Variants in WDR72 observed in about 807,000 individuals in gnomAD.
WDR72 encodes the protein WD repeat-containing protein 72.
In WDR72, 120 loss-of-function variants were observed where a neutral mutation model predicts 124.2. The observed-to-expected ratio is 0.97, with a 90% CI of 0.83 to 1.12. The LOEUF (loss-of-function observed/expected upper bound fraction) is 1.12. Ranked by LOEUF, WDR72 falls within the 50% of genes most tolerant of loss-of-function variation. The pLI, the probability that WDR72 is intolerant of heterozygous loss-of-function variation, is 0.00. For synonymous variants in WDR72, 452 were observed against 441.7 expected, an observed-to-expected ratio of 1.02 and a Z score of -0.29; for missense variants, 1,387 against 1,278.8, an observed-to-expected ratio of 1.08 and a Z score of -1.29.
At chr15:53,728,404 A>T (rs1298694563) in intron 2 of WDR72, among the ~76,000 whole-genome samples, 1 of 152,224 alleles carries the variant, frequency 6.6e-6, no homozygotes, top group African/African-American at 2.4e-5. Context: ...GACAGAGCCA[A>T]ACCACATCAA....
chr15:53,538,188 C>G (rs963829078), intron 18 of WDR72, among the ~76,000 whole-genome samples: 1 of 152,022 alleles, frequency 6.6e-6, no homozygotes, highest in African/African-American at 2.4e-5. Context: ...TTTTAGAGAA[C>G]TGATTTGGGT....
intron 18 of WDR72, among the ~76,000 whole-genome samples, chr15:53,593,057 G>T (rs955454800): frequency 6.6e-6 from 1 of 152,014 alleles, no homozygotes; most frequent in Admixed American, 6.6e-5. Context: ...AAAATTACAG[G>T]TTTAAATATA....
At position 53,603,171 on chromosome 15, in the gene WDR72, G is replaced by A. The variant is rs568474032; in HGVS notation, c.2953-5897C>T. On this transcript the variant is annotated intron_variant, in intron 17 of 19. Transcript: ENST00000360509. ...AGTATGCTTGATCCCTGGGATGCAAGTTTGGTTCAACATATGCAAATCAAT... is the reference window on the plus strand; with the variant it reads ...AGTATGCTTGATCCCTGGGATGCAAATTTGGTTCAACATATGCAAATCAAT... Among the ~76,000 whole-genome samples the A allele has an allele frequency of 5.3e-5, 8 of 152,118 alleles. 1 individual carries two copies. In the East Asian group the frequency reaches 1.5e-3, roughly 29 times the overall value.
At chr15:53,564,424 T>C (rs543142164) in intron 18 of WDR72, among the ~76,000 whole-genome samples, 2 of 152,010 alleles carry the variant, frequency 1.3e-5, no homozygotes, top group South Asian at 4.1e-4. Flanking sequence ...CATCTAAAGA[T>C]AGAAGACAAA....
At chr15:53,628,656 C>A (rs923706476) in intron 14 of WDR72, among the ~76,000 whole-genome samples, 2 of 152,098 alleles carry the variant, frequency 1.3e-5, no homozygotes, top group African/African-American at 4.8e-5. Context: ...ATGCTTACAT[C>A]TTTGCTGTTA....
At chr15:53,660,574 G>C (rs961453143) in intron 14 of WDR72, among the ~76,000 whole-genome samples, 2 of 152,048 alleles carry the variant, frequency 1.3e-5, no homozygotes, top group South Asian at 4.1e-4. Context: ...CATAAGGTCA[G>C]CTAAAGGTTA....
At chr15:53,666,589 T>C (rs1390379675) in intron 13 of WDR72, among the ~76,000 whole-genome samples, 1 of 152,186 alleles carries the variant, frequency 6.6e-6, no homozygotes, top group Non-Finnish European at 1.5e-5. Context: ...ATATAGGTTA[T>C]CTCCTACTGA....
intron 9 of WDR72, among the ~76,000 whole-genome samples, chr15:53,709,080 GA>G (rs2017463488): frequency 6.6e-6 from 1 of 152,198 alleles, no homozygotes. Context: ...CCTGCTTACA[GA>G]GCAGTCTTTT....
Position 53,554,669 on chromosome 15 carries a change from G to C in WDR72, c.3149-31347C>G, listed in dbSNP as rs1011051459. ...TAACATGGAATACTACTGCTACATA[G>C]ATATACATCAGCTGAACTGTGATAC... On this transcript the variant is annotated intron_variant, in intron 18 of 19. Transcript: ENST00000360509. Among the ~76,000 whole-genome samples, 18 of 152,108 alleles carry C rather than the reference G, an allele frequency of 1.2e-4. 1 individual carries two copies. Among genetic ancestry groups the C allele is most frequent in the South Asian group, 8.3e-4 (4 of 4,830 alleles).
chr15:53,536,475 T>C (rs1044204667), intron 18 of WDR72, among the ~76,000 whole-genome samples: 10 of 152,086 alleles, frequency 6.6e-5, no homozygotes, highest in African/African-American at 2.4e-4. Flanking sequence ...GCTATGATCA[T>C]GGGGCTCATC....
intron 18 of WDR72, among the ~76,000 whole-genome samples, chr15:53,569,447 T>G (rs530301348): frequency 5.9e-5 from 9 of 152,188 alleles, no homozygotes; most frequent in African/African-American, 1.9e-4. Context: ...AGGTGTCATA[T>G]TTTTGAAGCA....
At chr15:53,735,350 C>T (rs147306057) in intron 1 of WDR72, among the ~76,000 whole-genome samples, 36 of 152,062 alleles carry the variant, frequency 2.4e-4, no homozygotes, top group East Asian at 1.9e-4. Context: ...CATACACTGA[C>T]GGGGGGAACG....
rs536122936 is a variant in WDR72 at position 53,681,295 on chromosome 15, T to C, written c.1766-15527A>G. Among the ~76,000 whole-genome samples the C allele has an allele frequency of 3.3e-5, 5 of 152,314 alleles. No homozygotes were observed. In the East Asian group the frequency reaches 9.7e-4, roughly 29 times the overall value. On this transcript the variant is annotated intron_variant, in intron 13 of 19. Transcript: ENST00000360509. ...AAGAAGGCAGCGTGGGGAGGGCAGA[T>C]GGCTCCTTTGGGTTTATTTCCACTA... is the stretch of plus-strand genomic sequence containing the variant.
chr15:53,743,662 A>G (rs2018567198), intron 1 of WDR72, among the ~76,000 whole-genome samples: 1 of 152,206 alleles, frequency 6.6e-6, no homozygotes, highest in African/African-American at 2.4e-5. Context: ...AGTACTAGTG[A>G]TAGCTTGATA....
chr15:53,699,714 T>C, intron 13 of WDR72, 36 bp downstream of exon 13: 1 of 1,602,904 alleles, frequency 6.2e-7, no homozygotes, highest in Non-Finnish European at 8.5e-7. Context: ...ACATCATAAA[T>C]ATATAAAGAA....
At chr15:53,711,521 T>G (rs754865974) in intron 7 of WDR72, 40 bp from the exon 8 acceptor site, 20 of 1,604,074 alleles carry the variant, frequency 1.2e-5, no homozygotes, top group Middle Eastern at 1.6e-4. Flanking sequence ...AAGGCTTAAA[T>G]CTAGTCTGCC....
intron 18 of WDR72, among the ~76,000 whole-genome samples, chr15:53,589,820 A>G (rs936515302): frequency 1.3e-5 from 2 of 152,024 alleles, no homozygotes; most frequent in Admixed American, 6.6e-5. Context: ...CATCAATCTC[A>G]ATCTCCGTGA....
intron 14 of WDR72, among the ~76,000 whole-genome samples, chr15:53,661,403 T>C (rs1595827903): frequency 6.6e-6 from 1 of 152,076 alleles, no homozygotes; most frequent in Non-Finnish European, 1.5e-5. Context: ...GGAGCTCTTA[T>C]TAGCATCCAA....
intron 14 of WDR72, among the ~76,000 whole-genome samples, chr15:53,617,517 TA>T (rs35045396): frequency 6.6e-6 from 1 of 151,460 alleles, no homozygotes; most frequent in Non-Finnish European, 1.5e-5. Context: ...TTATAAATGG[TA>T]AAAAATGAAA....
Sources: allele counts gnomAD v4.1 joint callset (sites outside exome capture counted in the v4.1 genomes callset), GRCh38; gene constraint gnomAD v4.1.1; transcripts MANE v1.5; gene names NCBI Gene and HGNC (gene_info 2026-07-23, HGNC 2026-07-21).